Variants in PCDH15 observed in about 807,000 individuals in gnomAD.
PCDH15 encodes protocadherin-15.
Under a neutral mutation model 178.5 loss-of-function variants are expected in PCDH15, and 129 were observed. The ratio of observed to expected loss-of-function variants is 0.72; its 90% CI spans 0.63 to 0.84. PCDH15 has a LOEUF of 0.84. Ranked by LOEUF, PCDH15 falls within the 40% of genes least tolerant of loss-of-function variation. The pLI, the probability that PCDH15 is intolerant of heterozygous loss-of-function variation, is 0.00. For missense variants in PCDH15, 2,230 were observed against 2,099.9 expected, an observed-to-expected ratio of 1.06 and a Z score of -1.21; for synonymous variants, 800 against 732.0, an observed-to-expected ratio of 1.09 and a Z score of -1.50.
At chr10:54,338,902 G>A (rs1444268344) in intron 6 of PCDH15, among the ~76,000 whole-genome samples, 3 of 151,960 alleles carry the variant, frequency 2.0e-5, no homozygotes, top group African/African-American at 2.4e-5. Context: ...GATAATTATT[G>A]TCTAAATAGT....
At chr10:54,929,287 G>A (rs1451657807) in intron 2 of PCDH15, among the ~76,000 whole-genome samples, 1 of 152,106 alleles carries the variant, frequency 6.6e-6, no homozygotes, top group East Asian at 1.9e-4. Context: ...AATGTAAGGA[G>A]TCCACTGTGC....
upstream of PCDH15, among the ~76,000 whole-genome samples, chr10:54,805,144 T>C (rs1952759143): frequency 6.6e-6 from 1 of 151,658 alleles, no homozygotes; most frequent in African/African-American, 2.4e-5. Flanking sequence ...TCATATATTA[T>C]TCTCAAATAT....
chr10:54,287,908 T>C (rs188417280), intron 8 of PCDH15, among the ~76,000 whole-genome samples: 1 of 152,268 alleles, frequency 6.6e-6, no homozygotes, highest in African/African-American at 2.4e-5. Flanking sequence ...GGACGCTAGA[T>C]AAAACACTTG....
chr10:55,015,276 C>T (rs1840144019), intron 2 of PCDH15, among the ~76,000 whole-genome samples: 1 of 151,582 alleles, frequency 6.6e-6, no homozygotes, highest in Non-Finnish European at 1.5e-5. Flanking sequence ...TCTCTTCTTT[C>T]TTGGCCAGTA....
rs1588976633 is a variant in PCDH15, at chr10:55,387,052, AT to A, written c.-155-220402del. Among the ~76,000 whole-genome samples the A allele has an allele frequency of 2.0e-5, 3 of 152,232 alleles. No homozygotes were observed. The East Asian group carries it at 5.8e-4, about 29-fold the overall frequency. On this transcript the variant is annotated intron_variant, in intron 2 of 5. Transcript: ENST00000613346. ...ATAGATAAATTATAATCGGAAGCTG[AT>A]TCATTTTTACATAAACTTTTTTATT... is the stretch of plus-strand genomic sequence containing the variant.
At position 54,423,812 on chromosome 10, in the gene PCDH15, T is replaced by C. The variant is rs1285868412; in HGVS notation, c.158-44870A>G. ...GGGTTGAAAATGTGCTCTAGCCGTA[T>C]GTAGAAAGCTGAAACTGGATCCCTT... On this transcript the variant is annotated intron_variant, in intron 3 of 37. Coordinates refer to ENST00000644397, the MANE Select transcript of PCDH15 (RefSeq NM_001384140.1). 2.0e-5 allele frequency among the ~76,000 whole-genome samples: 3 copies of C among 151,920 alleles called. 1 individual carries two copies.
chr10:53,863,308 A>AT (rs2079222033), intron 27 of PCDH15, among the ~76,000 whole-genome samples: 3 of 152,204 alleles, frequency 2.0e-5, no homozygotes, highest in African/African-American at 4.8e-5. Context: ...GAAGAAAATG[A>AT]ACCAGTGAAG....
At chr10:54,981,474 G>A (rs1839230431) in intron 2 of PCDH15, among the ~76,000 whole-genome samples, 1 of 152,094 alleles carries the variant, frequency 6.6e-6, no homozygotes, top group African/African-American at 2.4e-5. Context: ...ATAACTACTG[G>A]TTAGTTAACA....
intron 3 of PCDH15, among the ~76,000 whole-genome samples, chr10:54,515,311 C>T (rs1388134579): frequency 2.0e-5 from 3 of 152,186 alleles, no homozygotes; most frequent in Non-Finnish European, 2.9e-5. Flanking sequence ...TAAAAAACGG[C>T]ACACCAGGAG....
At chr10:54,133,245 T>C (rs2042599989) in intron 14 of PCDH15, among the ~76,000 whole-genome samples, 2 of 152,178 alleles carry the variant, frequency 1.3e-5, no homozygotes, top group South Asian at 4.1e-4. Context: ...AGATTAATAG[T>C]ATGAATTAAA....
intron 10 of PCDH15, among the ~76,000 whole-genome samples, chr10:54,205,392 T>G (rs2050687110): frequency 6.6e-6 from 1 of 152,096 alleles, no homozygotes; most frequent in Admixed American, 6.6e-5. Context: ...GGGAATTCTC[T>G]GTAGGATCCT....
intron 1 of PCDH15, among the ~76,000 whole-genome samples, chr10:54,798,106 C>A (rs187877723): frequency 3.9e-4 from 59 of 152,066 alleles, no homozygotes; most frequent in African/African-American, 1.4e-3. Flanking sequence ...GTTACAGTTT[C>A]TGGGTGATTT....
intron 3 of PCDH15, among the ~76,000 whole-genome samples, chr10:54,393,522 A>T (rs193096178): frequency 3.6e-4 from 55 of 152,354 alleles, no homozygotes; most frequent in African/African-American, 1.3e-3. Context: ...GCAAACGTTA[A>T]GAGGAAGAGA....
At chr10:54,660,387 A>T (rs149974709) in intron 2 of PCDH15, among the ~76,000 whole-genome samples, 13 of 152,224 alleles carry the variant, frequency 8.5e-5, no homozygotes, top group Non-Finnish European at 1.8e-4. Context: ...AATCCCTGGA[A>T]ACATATAACC....
intron 1 of PCDH15, among the ~76,000 whole-genome samples, chr10:55,295,351 T>C (rs2132272322): frequency 6.6e-6 from 1 of 152,350 alleles, no homozygotes; most frequent in Non-Finnish European, 1.5e-5. Flanking sequence ...CTTGTTATGA[T>C]TTCAGCCTTG....
intron 8 of PCDH15, among the ~76,000 whole-genome samples, chr10:54,240,325 A>T (rs997267267): frequency 3.3e-5 from 5 of 151,992 alleles, no homozygotes; most frequent in African/African-American, 1.2e-4. Context: ...AAAATGAAAA[A>T]GGAAAAAAAA....
chr10:55,550,980 TTAAATTA>T (rs1841992873), intron 2 of PCDH15, among the ~76,000 whole-genome samples: 2 of 152,062 alleles, frequency 1.3e-5, no homozygotes, highest in South Asian at 4.1e-4. Flanking sequence ...GAGGAGTACG[TTAAATTA>T]TAATGTCTAG....
chr10:53,891,292 G>C lies in PCDH15; in HGVS notation c.3501+11951C>G, dbSNP rs557082781. The stretch of plus-strand genomic sequence containing the variant: ...TTTTCAAAGGGAGAACCAAATGTCA[G>C]TATTCTTGCTCTACAGATGATGGAG... On this transcript the variant is annotated intron_variant, in intron 26 of 37. Coordinates refer to ENST00000644397, the MANE Select transcript of PCDH15 (RefSeq NM_001384140.1). Among the ~76,000 whole-genome samples, 4 of 152,278 alleles carry C rather than the reference G, an allele frequency of 2.6e-5. No individual in the cohort carries two copies. In the East Asian group the frequency reaches 7.7e-4, roughly 29 times the overall value.
At chr10:54,958,794 G>C (rs1838562545) in intron 2 of PCDH15, among the ~76,000 whole-genome samples, 1 of 151,632 alleles carries the variant, frequency 6.6e-6, no homozygotes, top group African/African-American at 2.4e-5. Flanking sequence ...TCTCCAAAAT[G>C]ACCAGAATAC....
Sources: allele counts gnomAD v4.1 joint callset (sites outside exome capture counted in the v4.1 genomes callset), GRCh38; gene constraint gnomAD v4.1.1; transcripts MANE v1.5; gene names NCBI Gene and HGNC (gene_info 2026-07-23, HGNC 2026-07-21).